Variants in METTL15 observed in about 807,000 individuals in gnomAD.
METTL15 encodes 12S rRNA N(4)-cytidine methyltransferase METTL15.
Under a neutral mutation model 38.3 loss-of-function variants are expected in METTL15, and 34 were observed. The observed-to-expected ratio is 0.89, with a 90% CI of 0.68 to 1.18. METTL15 has a LOEUF of 1.18. Ranked by LOEUF, METTL15 falls within the 50% of genes most tolerant of loss-of-function variation. The pLI, the probability that METTL15 is intolerant of heterozygous loss-of-function variation, is 0.00. For missense variants in METTL15, 438 were observed against 498.4 expected, an observed-to-expected ratio of 0.88 and a Z score of 1.15; for synonymous variants, 162 against 170.9, an observed-to-expected ratio of 0.95 and a Z score of 0.41.
chr11:28,470,345 C>T (rs1851292857), intron 6 of METTL15, among the ~76,000 whole-genome samples: 1 of 151,974 alleles, frequency 6.6e-6, no homozygotes, highest in Admixed American at 6.6e-5. Context: ...TTTACCTGAC[C>T]CTCTTGTGGC....
At chr11:28,231,465 T>C (rs946053936) in intron 4 of METTL15, among the ~76,000 whole-genome samples, 3 of 151,846 alleles carry the variant, frequency 2.0e-5, no homozygotes, top group Non-Finnish European at 4.4e-5. Context: ...TAAAACAGGC[T>C]TTTTTTCTTA....
intron 3 of METTL15, among the ~76,000 whole-genome samples, chr11:28,137,259 A>G (rs556014694): frequency 3.9e-5 from 6 of 152,214 alleles, no homozygotes; most frequent in East Asian, 1.9e-4. Context: ...TGGAAGATTA[A>G]TTTTTATAAA....
At chr11:28,311,113 T>C (rs920871703) in intron 6 of METTL15, among the ~76,000 whole-genome samples, 2 of 152,074 alleles carry the variant, frequency 1.3e-5, no homozygotes, top group Admixed American at 1.3e-4. Context: ...TATCTTCCTC[T>C]TGGCAATGTG....
At chr11:28,258,154 T>C (rs373132615) in intron 4 of METTL15, among the ~76,000 whole-genome samples, 44 of 152,330 alleles carry the variant, frequency 2.9e-4, no homozygotes, top group African/African-American at 9.9e-4. Context: ...TTGATGGTCA[T>C]GGACAAGATT....
At chr11:28,438,583 A>C (rs1851003727) in intron 6 of METTL15, among the ~76,000 whole-genome samples, 1 of 152,026 alleles carries the variant, frequency 6.6e-6, no homozygotes, top group Non-Finnish European at 1.5e-5. Context: ...GCCAAGTCCC[A>C]GGAAACTGTA....
At chr11:28,169,604 A>G (rs1320026409) in intron 3 of METTL15, among the ~76,000 whole-genome samples, 19 of 152,058 alleles carry the variant, frequency 1.2e-4, no homozygotes, top group Admixed American at 1.0e-3. Context: ...GATGAACACT[A>G]TTTTTTAACA....
intron 6 of METTL15, chr11:28,517,234 G>T (rs771304622): frequency 3.3e-5 from 5 of 151,834 alleles, no homozygotes; most frequent in South Asian, 4.2e-4. Context: ...ATCAATTGTG[G>T]CATCCTTAGC....
intron 6 of METTL15, among the ~76,000 whole-genome samples, chr11:28,499,965 C>A (rs1564948920): frequency 1.3e-5 from 2 of 151,318 alleles, no homozygotes; most frequent in South Asian, 4.2e-4. Flanking sequence ...AAAGTAATAA[C>A]TTTTTCTATT....
At chr11:28,166,659 G>A (rs768105125) in intron 3 of METTL15, among the ~76,000 whole-genome samples, 1 of 152,146 alleles carries the variant, frequency 6.6e-6, no homozygotes, top group Admixed American at 6.5e-5. Flanking sequence ...ATGAAAAAAT[G>A]CTGAAACTGG....
At chr11:28,506,974 A>G (rs972228734) in intron 6 of METTL15, among the ~76,000 whole-genome samples, 1 of 151,856 alleles carries the variant, frequency 6.6e-6, no homozygotes, top group Non-Finnish European at 1.5e-5. Context: ...CAAACTCCTG[A>G]CCTCAAGTGA....
intron 3 of METTL15, among the ~76,000 whole-genome samples, chr11:28,167,857 T>G (rs144382178): frequency 6.6e-6 from 1 of 152,248 alleles, no homozygotes; most frequent in East Asian, 1.9e-4. Flanking sequence ...TTATCCAACA[T>G]AAGTTAACTT....
At chr11:28,319,132 C>G (rs537385890) in intron 6 of METTL15, among the ~76,000 whole-genome samples, 14 of 152,104 alleles carry the variant, frequency 9.2e-5, no homozygotes, top group African/African-American at 3.4e-4. Flanking sequence ...TCTTGCAACT[C>G]GATGCATAGT....
chr11:28,129,920 G>A (rs1229607733), intron 3 of METTL15, among the ~76,000 whole-genome samples: 1 of 152,046 alleles, frequency 6.6e-6, no homozygotes. Flanking sequence ...GTATTAAGAA[G>A]ACACTGAATA....
intron 4 of METTL15, among the ~76,000 whole-genome samples, chr11:28,216,183 G>A (rs540287835): frequency 8.7e-4 from 132 of 152,110 alleles, no homozygotes; most frequent in Non-Finnish European, 1.7e-3. Context: ...GTGACAAGAT[G>A]TTTTTTGAAT....
At chr11:28,488,158 C>T (rs1017796613) in intron 6 of METTL15, among the ~76,000 whole-genome samples, 2 of 151,962 alleles carry the variant, frequency 1.3e-5, no homozygotes, top group Admixed American at 1.3e-4. Flanking sequence ...ATTATATTTC[C>T]CTGCTGGAAC....
chr11:28,408,373 T>G (rs1384272827), intron 5 of METTL15, among the ~76,000 whole-genome samples: 1 of 152,152 alleles, frequency 6.6e-6, no homozygotes, highest in Non-Finnish European at 1.5e-5. Flanking sequence ...CCGTGCTAGC[T>G]AAAACCACCT....
intron 6 of METTL15, among the ~76,000 whole-genome samples, chr11:28,488,118 A>G (rs1238846543): frequency 1.3e-5 from 2 of 152,176 alleles, no homozygotes; most frequent in Non-Finnish European, 2.9e-5. Flanking sequence ...CAATGAAAAT[A>G]TGCTTATTTA....
At chr11:28,162,417 T>C (rs964728887) in intron 3 of METTL15, among the ~76,000 whole-genome samples, 2 of 152,166 alleles carry the variant, frequency 1.3e-5, no homozygotes, top group African/African-American at 4.8e-5. Context: ...TTTTGGTAAA[T>C]GGTTATTCAA....
rs184391748 is a variant in METTL15, at chr11:28,389,566, A to T, written c.*358+27530A>T. ...TCCCTACAAAGGACATGAACTCATC[A>T]TTTTTAATGGCTGCATAGCATTCCA... On this transcript the variant is annotated intron_variant and NMD_transcript_variant, in intron 5 of 7. Transcript: ENST00000532947. 1.4e-4 allele frequency among the ~76,000 whole-genome samples: 22 copies of T among 151,982 alleles called. No homozygotes were observed. The East Asian group carries it at 4.1e-3, about 28-fold the overall frequency.
Sources: gnomAD v4.1 joint callset for allele counts (sites outside exome capture counted in the v4.1 genomes callset) on GRCh38, gnomAD v4.1.1 for gene constraint, MANE v1.5 for transcripts, NCBI Gene and HGNC (gene_info 2026-07-23, HGNC 2026-07-21) for gene names.